Variants in COL18A1 observed in about 807,000 individuals in gnomAD.
COL18A1 encodes the protein collagen type XVIII alpha 1 chain, also known as collagen alpha-1(XVIII) chain.
A neutral mutation model predicts 168.0 loss-of-function variants in COL18A1; 133 were observed. The ratio of observed to expected loss-of-function variants is 0.79; its 90% CI spans 0.69 to 0.91. COL18A1 has a LOEUF of 0.91. COL18A1 is among the 40% of genes least tolerant of loss of function. The pLI, the probability that COL18A1 is intolerant of heterozygous loss-of-function variation, is 0.00. For missense variants in COL18A1, 2,126 were observed against 1,925.4 expected (o/e 1.10, Z -1.95); for synonymous variants, 949 against 809.0 (o/e 1.17, Z -2.94).
chr21:45,488,529 C>T, intron 18 of COL18A1, 85 bp downstream of exon 18: 6 of 1,599,140 alleles, frequency 3.8e-6, no homozygotes, highest in Non-Finnish European at 5.1e-6. Context: ...CAGGGCCTTG[C>T]CTCGGGTTTT....
At chr21:45,456,642 G>A (rs1395767813) in intron 2 of COL18A1, 11 of 1,535,984 alleles carry the variant, frequency 7.2e-6, no homozygotes, top group Admixed American at 5.9e-5. Context: ...GCCGGGGCAC[G>A]GGCGTGGGGG....
chr21:45,490,888 C>T lies in COL18A1; in HGVS notation c.2067+17C>T, dbSNP rs769055856. On this transcript the variant is annotated intron_variant, in intron 21 of 41. Transcript: ENST00000651438. Reference sequence around the variant, plus strand: ...GGAGAAAAGGTGAGTGTCCCTGGGGCGGGTGGATGGGGATGGGGGGCGCTG... The same window carrying T: ...GGAGAAAAGGTGAGTGTCCCTGGGGTGGGTGGATGGGGATGGGGGGCGCTG... The T allele has an allele frequency of 6.2e-5, 96 of 1,544,844 alleles. No individual in the cohort carries two copies. The Admixed American group carries it at 1.3e-3, about 21-fold the overall frequency.
intron 2 of COL18A1, chr21:45,420,597 G>A (rs960017718): frequency 1.3e-5 from 2 of 152,234 alleles, no homozygotes; most frequent in Non-Finnish European, 2.9e-5. Context: ...AGAGAACCAG[G>A]GGAAAGGTCA....
At position 45,464,727 on chromosome 21, in the gene COL18A1, C is replaced by T. The variant is rs543441805; in HGVS notation, c.107-3515C>T. Among the ~76,000 whole-genome samples the T allele has an allele frequency of 9.3e-4, 141 of 152,318 alleles. 1 individual carries two copies. Among genetic ancestry groups the T allele is most frequent in the Non-Finnish European group, 1.7e-3 (114 of 68,016 alleles). ...TTCCCTTCGCTCAAAGCCCCTTCTT[C>T]CCCCTTCAAAGCCAACGGTGTTGGA... On this transcript the variant is annotated intron_variant, in intron 2 of 41. Coordinates refer to ENST00000651438, the MANE Select transcript of COL18A1 (RefSeq NM_001379500.1).
intron 2 of COL18A1, among the ~76,000 whole-genome samples, chr21:45,413,021 T>C (rs2033343590): frequency 6.6e-6 from 1 of 152,126 alleles, no homozygotes; most frequent in Non-Finnish European, 1.5e-5. Flanking sequence ...TGGTGGAGCG[T>C]CATGGGGCCA....
intron 2 of COL18A1, among the ~76,000 whole-genome samples, chr21:45,419,229 G>T (rs1215592292): frequency 1.3e-5 from 2 of 152,138 alleles, no homozygotes; most frequent in Non-Finnish European, 2.9e-5. Flanking sequence ...GCAGTTCCGT[G>T]TAGTGACGTG....
At position 45,468,761 on chromosome 21, in the gene COL18A1, G is replaced by A. The variant is rs376944366; in HGVS notation, c.626G>A (p.Gly209Glu). Residue 209 changes from glycine (G) to glutamate (E), a missense_variant, in exon 3 of 42, where the codon GGG (glycine) becomes GAG (glutamate). Transcript: ENST00000651438. ...GCCGGGCTCTTCGTGGCTCAGGCGG[G>A]GGGAGCGGACCCTGACAAGTTCCAG... ...PGAGLFVAQA[G>E]GADPDKFQGV... The A allele has an allele frequency of 6.2e-7, 1 of 1,603,922 alleles. No homozygotes were observed. Among genetic ancestry groups the A allele is most frequent in the South Asian group, 1.1e-5 (1 of 90,806 alleles).
intron 2 of COL18A1, among the ~76,000 whole-genome samples, chr21:45,419,401 T>C (rs1224831311): frequency 6.6e-6 from 1 of 152,242 alleles, no homozygotes; most frequent in East Asian, 1.9e-4. Flanking sequence ...ACACTTAATG[T>C]CATGTAGTGA....
At position 45,505,444 on chromosome 21, in the gene COL18A1, G is replaced by A; in HGVS notation, c.3087+13G>A. On this transcript the variant is annotated intron_variant, in intron 36 of 41. Coordinates refer to ENST00000651438, the MANE Select transcript of COL18A1 (RefSeq NM_001379500.1). ...CGCCTCCTCAGGGGTAAGTGTCTGG[G>A]CAGCCGGCTGGGCACCTGCGTCCCG... 1 of 1,471,248 alleles carries A rather than the reference G, an allele frequency of 6.8e-7. No individual in the cohort carries two copies. The highest frequency in any genetic ancestry group is 2.3e-5 in the East Asian group (1 of 43,350). 91.1% of individuals were successfully genotyped at this position (1,471,248 alleles called of 1,614,324 possible). A position where few individuals can be genotyped will look rare whatever the true frequency, so the allele number is the denominator to read the frequency against.
Position 45,457,301 on chromosome 21 carries a change from C to T in COL18A1, c.107-10941C>T, listed in dbSNP as rs1048588216. ...ACCTTGCTCCGGTCACTAAGCTGCA[C>T]GGTTCGATGCGCTTCCTGGGAGCCC... On this transcript the variant is annotated intron_variant, in intron 2 of 41. Coordinates refer to ENST00000651438, the MANE Select transcript of COL18A1 (RefSeq NM_001379500.1). The surrounding 1 kb of genome is among the most constrained non-coding windows in gnomAD (Gnocchi z 4.6). Among the ~76,000 whole-genome samples, 4 of 152,334 alleles carry T rather than the reference C, an allele frequency of 2.6e-5. No homozygotes were observed. Among genetic ancestry groups the T allele is most frequent in the South Asian group, 2.1e-4 (1 of 4,834 alleles).
At chr21:45,509,637 A>C in intron 39 of COL18A1, 36 bp downstream of exon 39, 1 of 1,132,154 alleles carries the variant, frequency 8.8e-7, no homozygotes, top group Non-Finnish European at 1.3e-6. Context: ...GGCTCCATCT[A>C]GCCCCTCGGC....
Position 45,512,224 on chromosome 21 carries a change from C to T in COL18A1, c.3846C>T (p.Asn1282=), listed in dbSNP as rs755088798. Residue 1282 remains asparagine (N), a synonymous_variant, in exon 42 of 42, where the codon AAC becomes AAT. Transcript: ENST00000651438. The stretch of plus-strand genomic sequence containing the variant: ...GCGTGTGGCATGGCTCGGACCCCAA[C>T]GGGCGCAGGCTGACCGAGAGCTACT... The part of the protein sequence containing the change: ...QKSVWHGSDP[N]GRRLTESYCE... 1.5e-5 allele frequency: 24 copies of T among 1,612,320 alleles called. 1 individual carries two copies. In the East Asian group the frequency reaches 1.6e-4, roughly 10 times the overall value.
chr21:45,493,233 G>C lies in COL18A1; in HGVS notation c.2277+8G>C. ...GGCTCCCCGGGACCCAAGGTAAGGGGCTCAGGTGCTGTCCCTCAACCCCCT... is the reference window on the plus strand; with the variant it reads ...GGCTCCCCGGGACCCAAGGTAAGGGCCTCAGGTGCTGTCCCTCAACCCCCT... On this transcript the variant is annotated splice_region_variant and intron_variant, in intron 25 of 41. Transcript: ENST00000651438. The C allele has an allele frequency of 2.6e-6, 4 of 1,554,704 alleles. No homozygotes were observed. Among genetic ancestry groups the C allele is most frequent in the Non-Finnish European group, 3.5e-6 (4 of 1,149,070 alleles).
Position 45,510,274 on chromosome 21 carries a change from A to C in COL18A1, c.3693+13A>C. ...CGTCAACCTCAAGGTGGGTCAGTCCAGTCCTGAGGGCGCGGGCTCCTCGGC... is the reference window on the plus strand; with the variant it reads ...CGTCAACCTCAAGGTGGGTCAGTCCCGTCCTGAGGGCGCGGGCTCCTCGGC... On this transcript the variant is annotated intron_variant, in intron 40 of 41. Transcript: ENST00000651438. The C allele has an allele frequency of 1.4e-5, 23 of 1,595,286 alleles. No individual in the cohort carries two copies. Among genetic ancestry groups the C allele is most frequent in the Non-Finnish European group, 2.0e-5 (23 of 1,171,816 alleles).
At chr21:45,444,735 G>T (rs1003303210) in intron 2 of COL18A1, among the ~76,000 whole-genome samples, 1 of 152,076 alleles carries the variant, frequency 6.6e-6, no homozygotes, top group Admixed American at 6.5e-5. Flanking sequence ...GCTGGTACTA[G>T]GTTTGAAAAC....
intron 32 of COL18A1, chr21:45,503,789 TAAATTTAAA>T (rs1242972369): frequency 1.2e-5 from 3 of 258,710 alleles, no homozygotes; most frequent in Non-Finnish European, 2.1e-5. Context: ...AGTATAATAA[TAAATTTAAA>T]AAATTTAAAA....
chr21:45,412,271 C>T (rs1394514611), intron 2 of COL18A1, among the ~76,000 whole-genome samples: 1 of 143,664 alleles, frequency 7.0e-6, no homozygotes, highest in Non-Finnish European at 1.5e-5. Context: ...GAGTCTGGCT[C>T]TGTTGCCCAG....
At chr21:45,422,510 C>T (rs758279418) in intron 2 of COL18A1, 1 of 525,076 alleles carries the variant, frequency 1.9e-6, no homozygotes, top group Non-Finnish European at 3.9e-6. Context: ...GCGTGGCTGC[C>T]TGGCCTGACG....
chr21:45,430,577 G>A (rs1206651108), intron 2 of COL18A1, among the ~76,000 whole-genome samples: 1 of 152,270 alleles, frequency 6.6e-6, no homozygotes, highest in East Asian at 1.9e-4. Context: ...GTCATTCTTG[G>A]TGACCCCGGG....
Sources: gnomAD v4.1 joint callset for allele counts (sites outside exome capture counted in the v4.1 genomes callset) on GRCh38, gnomAD v4.1.1 for gene constraint, Gnocchi (gnomAD v3.1) non-coding constraint, MANE v1.5 for transcripts, NCBI Gene and HGNC (gene_info 2026-07-23, HGNC 2026-07-21) for gene names.